The following GALNT14 variants were observed in gnomAD, a reference collection of about 807,000 sequenced individuals.
GALNT14 encodes the protein polypeptide N-acetylgalactosaminyltransferase 14.
GALNT14 carries 60 observed loss-of-function variants against 77.5 expected under a neutral mutation model. The observed-to-expected ratio is 0.77, with a 90% CI of 0.63 to 0.96. The LOEUF (loss-of-function observed/expected upper bound fraction) is 0.96, where lower values mean the gene tolerates loss of function less well. GALNT14 is among the 40% of genes least tolerant of loss of function. The pLI, the probability that GALNT14 is intolerant of heterozygous loss-of-function variation, is 0.00. For missense variants in GALNT14, 710 were observed against 731.0 expected (o/e 0.97, Z 0.33); for synonymous variants, 280 against 281.7 (o/e 0.99, Z 0.06).
chr2:31,125,042 C>G (rs1242116488), intron 1 of GALNT14: 1 of 730,910 alleles, frequency 1.4e-6, no homozygotes, highest in African/African-American at 1.8e-5. Flanking sequence ...TCCAGACATC[C>G]TGGGGTGCGC....
At chr2:30,933,833 A>G (rs1665892842) in intron 9 of GALNT14, among the ~76,000 whole-genome samples, 1 of 152,236 alleles carries the variant, frequency 6.6e-6, no homozygotes, top group South Asian at 2.1e-4. Context: ...TATGTCAAAC[A>G]AATGTCATAA....
At chr2:30,951,423 G>A (rs1573021882) in intron 6 of GALNT14, among the ~76,000 whole-genome samples, 1 of 152,140 alleles carries the variant, frequency 6.6e-6, no homozygotes, top group Admixed American at 6.5e-5. Flanking sequence ...CAGTGGCCAG[G>A]GGCAGGGAGA....
intron 1 of GALNT14, among the ~76,000 whole-genome samples, chr2:31,011,328 G>T (rs991798166): frequency 6.6e-6 from 1 of 152,242 alleles, no homozygotes; most frequent in African/African-American, 2.4e-5. Context: ...GCAAAGTGAA[G>T]ACAACGTTGT....
intron 2 of GALNT14, among the ~76,000 whole-genome samples, chr2:30,981,351 A>C (rs1269583924): frequency 1.3e-5 from 2 of 152,212 alleles, no homozygotes; most frequent in African/African-American, 4.8e-5. Context: ...GCAGGTCACC[A>C]ATGTTTGCAG....
chr2:31,115,109 G>T (rs749207627), intron 1 of GALNT14, among the ~76,000 whole-genome samples: 1 of 151,996 alleles, frequency 6.6e-6, no homozygotes, highest in Non-Finnish European at 1.5e-5. Flanking sequence ...AATTAGCCAG[G>T]CAGAGTGCCA....
chr2:31,092,398 T>C (rs10205657), intron 1 of GALNT14, among the ~76,000 whole-genome samples: 90,547 of 151,774 alleles, frequency 0.6, 28,192 homozygotes, highest in African/African-American at 0.77. Flanking sequence ...ACCAGAGGCC[T>C]TACCTCCTAA....
chr2:30,967,686 GAC>G, intron 2 of GALNT14, among the ~76,000 whole-genome samples: 1 of 152,240 alleles, frequency 6.6e-6, no homozygotes, highest in African/African-American at 2.4e-5. Context: ...TGGCCTCTCA[GAC>G]AGTCCTTTTT....
intron 1 of GALNT14, among the ~76,000 whole-genome samples, chr2:31,096,628 C>T (rs1252746459): frequency 6.6e-6 from 1 of 152,178 alleles, no homozygotes; most frequent in Non-Finnish European, 1.5e-5. Flanking sequence ...ATTATCTTTG[C>T]TTTGTAGAAG....
intron 6 of GALNT14, among the ~76,000 whole-genome samples, chr2:30,948,789 G>C (rs1223846802): frequency 1.3e-5 from 2 of 152,158 alleles, no homozygotes; most frequent in Non-Finnish European, 2.9e-5. Context: ...TTAAACCTGA[G>C]GGTAGTCTTG....
At chr2:30,896,531 T>C in the GALNT14 span, among the ~76,000 whole-genome samples, 2 of 152,308 alleles carry the variant, frequency 1.3e-5, no homozygotes, top group East Asian at 3.9e-4. Context: ...GCTATTATTA[T>C]ATAGCTACTA....
intron 9 of GALNT14, among the ~76,000 whole-genome samples, chr2:30,932,652 A>C: frequency 6.6e-6 from 1 of 152,220 alleles, no homozygotes; most frequent in Admixed American, 6.5e-5. Flanking sequence ...GAATTTTCTA[A>C]CAATCAGGGA....
chr2:31,069,627 G>A (rs990179262), intron 1 of GALNT14, among the ~76,000 whole-genome samples: 19 of 152,158 alleles, frequency 1.2e-4, no homozygotes, highest in Admixed American at 6.5e-5. Flanking sequence ...CTGACCCCAG[G>A]AGCCTTCATT....
In GALNT14 at chr2:30,966,238, C is replaced by T. The variant is rs906988281; in HGVS notation, c.364G>A (p.Glu122Lys). Residue 122 changes from glutamate to lysine, a missense_variant, in exon 3 of 15, where the codon GAG becomes AAG. Glu to Lys is a moderately conservative substitution (Grantham distance 56). Coordinates refer to ENST00000349752, the MANE Select transcript of GALNT14 (RefSeq NM_024572.4). ...GTCCTGAGCAGCGTGGAGCGGGCCT[C>T]GTTGTGGAAGGTGATGATGATGCTA... ...PTSIIITFHN[E>K]ARSTLLRTIR... The T allele has an allele frequency of 3.1e-6, 5 of 1,613,828 alleles. No individual in the cohort carries two copies. Among genetic ancestry groups the T allele is most frequent in the South Asian group, 2.2e-5 (2 of 91,070 alleles).
At chr2:31,031,490 T>G (rs1298114781) in intron 1 of GALNT14, among the ~76,000 whole-genome samples, 1 of 152,118 alleles carries the variant, frequency 6.6e-6, no homozygotes, top group East Asian at 1.9e-4. Flanking sequence ...TTCGGTCCAG[T>G]CTATCTTTGC....
At chr2:31,065,664 G>T (rs1175914622) in intron 1 of GALNT14, among the ~76,000 whole-genome samples, 2 of 152,126 alleles carry the variant, frequency 1.3e-5, no homozygotes, top group Non-Finnish European at 2.9e-5. Flanking sequence ...CCTCAGATTT[G>T]CAGACTGTAT....
chr2:30,930,854 T>C (rs10153602), intron 10 of GALNT14, among the ~76,000 whole-genome samples: 1,631 of 152,328 alleles, frequency 0.011, 25 homozygotes, highest in African/African-American at 0.037. Flanking sequence ...TTAGCAGACA[T>C]CTGTGCCACA....
intron 11 of GALNT14, among the ~76,000 whole-genome samples, chr2:30,925,942 T>C (rs1043536135): frequency 6.6e-6 from 1 of 152,166 alleles, no homozygotes; most frequent in Non-Finnish European, 1.5e-5. Context: ...GGGGTGGGAA[T>C]GAAGAACAAC....
chr2:31,072,245 CTCTCT>C (rs1447661003), intron 1 of GALNT14, among the ~76,000 whole-genome samples: 1 of 143,766 alleles, frequency 7.0e-6, no homozygotes, highest in Non-Finnish European at 1.5e-5. Context: ...TGTATGTCTC[CTCTCT>C]TTTCTCTCTC....
chr2:31,047,352 C>A (rs577371966), intron 1 of GALNT14, among the ~76,000 whole-genome samples: 3 of 152,148 alleles, frequency 2.0e-5, no homozygotes, highest in African/African-American at 4.8e-5. Flanking sequence ...AGTGGGTTAT[C>A]CTGCTGGGAG....
Sources: gnomAD v4.1 joint callset for allele counts (sites outside exome capture counted in the v4.1 genomes callset) on GRCh38, gnomAD v4.1.1 for gene constraint, MANE v1.5 for transcripts, NCBI Gene and HGNC (gene_info 2026-07-23, HGNC 2026-07-21) for gene names.